Variants in QSOX1 observed in about 807,000 individuals in gnomAD.
QSOX1 encodes sulfhydryl oxidase 1.
Under a neutral mutation model 76.1 loss-of-function variants are expected in QSOX1, and 40 were observed. The ratio of observed to expected loss-of-function variants is 0.53; its 90% CI spans 0.41 to 0.68. The LOEUF is 0.68. Ranked by LOEUF, QSOX1 falls within the 30% of genes least tolerant of loss-of-function variation. The probability of loss-of-function intolerance (pLI) is 0.00; values close to 1 mark genes in which losing one functional copy is unlikely to be tolerated. For missense variants in QSOX1, 931 were observed against 974.3 expected (o/e 0.96, Z 0.59); for synonymous variants, 392 against 413.1 (o/e 0.95, Z 0.62).
Position 180,182,274 on chromosome 1 carries a change from C to G in QSOX1, c.707C>G (p.Ser236Cys), listed in dbSNP as rs1400551478. 1.2e-6 allele frequency: 2 copies of G among 1,614,142 alleles called. No individual in the cohort carries two copies. Among genetic ancestry groups the G allele is most frequent in the Admixed American group, 3.3e-5 (2 of 60,008 alleles). The change falls in exon 6 of 12, where the codon TCT becomes TGT. Residue 236 changes from serine to cysteine, a missense_variant. Transcript: ENST00000367602. ...AAGTTTGGTGTCACCGACTTCCCCT[C>G]TTGCTACCTGCTGTTCCGGAATGGC... is the stretch of plus-strand genomic sequence containing the variant. ...VRKFGVTDFP[S>C]CYLLFRNGSV...
At chr1:180,192,244 C>T (rs562772313) in intron 10 of QSOX1, among the ~76,000 whole-genome samples, 56 of 152,148 alleles carry the variant, frequency 3.7e-4, no homozygotes, top group African/African-American at 1.3e-3. Context: ...CTGCTGTGGC[C>T]GGAGGGAGGG....
At chr1:180,165,148 G>T (rs1220974471) in intron 1 of QSOX1, among the ~76,000 whole-genome samples, 1 of 152,224 alleles carries the variant, frequency 6.6e-6, no homozygotes, top group Non-Finnish European at 1.5e-5. Context: ...GACCATATCA[G>T]GTGGGGTCAG....
At chr1:180,183,125 C>G (rs3767179) in intron 6 of QSOX1, among the ~76,000 whole-genome samples, 140,997 of 152,022 alleles carry the variant, frequency 0.93, 65,564 homozygotes, top group Admixed American at 0.96. Flanking sequence ...CTCCTCTCTC[C>G]GAGTTGGTGG....
Position 180,201,351 on chromosome 1 carries a change from G to A in QSOX1, c.*4314G>A, listed in dbSNP as rs1008881065. On this transcript the variant is annotated 3_prime_UTR_variant, in exon 12 of 12. Coordinates refer to ENST00000367602, the MANE Select transcript of QSOX1 (RefSeq NM_002826.5). ...ACCAGCCTGACAGTCTTGGGGCAGA[G>A]CGCCCCATAGGCCTCTGCAGCCCCA... The A allele has an allele frequency of 6.6e-6, 1 of 152,178 alleles. No individual in the cohort carries two copies. Among genetic ancestry groups the A allele is most frequent in the Admixed American group, 6.5e-5 (1 of 15,286 alleles). 9.4% of individuals were successfully genotyped at this position (152,178 alleles called of 1,614,324 possible).
intron 9 of QSOX1, 81 bp from the exon 10 acceptor site, chr1:180,190,352 C>G: frequency 6.8e-7 from 1 of 1,471,676 alleles, no homozygotes; most frequent in East Asian, 2.3e-5. Flanking sequence ...TGTCTTAGGG[C>G]TGTCTCCTAG....
chr1:180,196,264 G>A lies in QSOX1; in HGVS notation c.1471G>A (p.Ala491Thr), dbSNP rs770523926. The A allele has an allele frequency of 1.2e-6, 2 of 1,608,750 alleles. No individual in the cohort carries two copies. Among genetic ancestry groups the A allele is most frequent in the South Asian group, 1.1e-5 (1 of 90,764 alleles). The stretch of plus-strand genomic sequence containing the variant: ...CCTGTGTATGCTTCCCTCTGTAGGT[G>A]CCCCCAGCGAGGACCCCCAGTTCCC... Reference protein sequence around the residue: ...HNRVNARLAGAPSEDPQFPKV... With the variant: ...HNRVNARLAGTPSEDPQFPKV... The change falls in exon 12 of 12, where the codon GCC (alanine) becomes ACC (threonine). Residue 491 changes from alanine (A) to threonine (T), a missense_variant and splice_region_variant. Physicochemically the swap from Ala to Thr is moderately conservative, Grantham distance 58 (BLOSUM62 0). Transcript: ENST00000367602. This position sits in a 1 kb window ranked among gnomAD's most constrained non-coding sequence, Gnocchi z 4.1.
chr1:180,168,553 A>C (rs1662687161), intron 2 of QSOX1, among the ~76,000 whole-genome samples: 1 of 152,260 alleles, frequency 6.6e-6, no homozygotes, highest in Admixed American at 6.5e-5. Context: ...AACTGTAAGC[A>C]ATACACATTT....
In QSOX1 at chr1:180,202,712, T is replaced by C. The variant is rs186593800; in HGVS notation, c.*5675T>C. 30 of 148,838 alleles carry C rather than the reference T, an allele frequency of 2.0e-4. No homozygotes were observed. Among genetic ancestry groups the C allele is most frequent in the Non-Finnish European group, 3.4e-4 (23 of 67,428 alleles). 9.2% of individuals were successfully genotyped at this position (148,838 alleles called of 1,614,324 possible). On this transcript the variant is annotated 3_prime_UTR_variant, in exon 12 of 12. Transcript: ENST00000367602. The stretch of plus-strand genomic sequence containing the variant: ...AAAAAGGGGAAATATAATTGAATAC[T>C]TCACTGTTTTTGAAAGCATGAAAAC...
intron 3 of QSOX1, 75 bp from the exon 4 acceptor site, chr1:180,175,856 A>G (rs1486296810): frequency 3.4e-6 from 4 of 1,173,330 alleles, no homozygotes; most frequent in African/African-American, 3.0e-5. Context: ...TGTTTCTGGG[A>G]GTGAAGGTGG....
chr1:180,170,114 G>C (rs929252457), intron 2 of QSOX1, among the ~76,000 whole-genome samples: 1 of 152,224 alleles, frequency 6.6e-6, no homozygotes, highest in African/African-American at 2.4e-5. Flanking sequence ...GGAGGAGGGA[G>C]CCCAGAAATG....
intron 6 of QSOX1, 95 bp from the exon 7 acceptor site, chr1:180,183,821 C>T (rs976864779): frequency 1.8e-5 from 24 of 1,362,648 alleles, no homozygotes; most frequent in South Asian, 1.1e-4. Flanking sequence ...CCTTCCTGTC[C>T]GATGAGCCAC....
chr1:180,184,183 G>T, intron 7 of QSOX1, 133 bp downstream of exon 7: 1 of 1,239,862 alleles, frequency 8.1e-7, no homozygotes, highest in Non-Finnish European at 1.1e-6. Flanking sequence ...GAGCCAGGCT[G>T]TCCCCCACCC....
intron 2 of QSOX1, among the ~76,000 whole-genome samples, chr1:180,169,311 AC>A (rs1447095107): frequency 6.6e-6 from 1 of 152,088 alleles, no homozygotes; most frequent in Non-Finnish European, 1.5e-5. Context: ...ATAGAATGGG[AC>A]TTTTTATGGC....
intron 10 of QSOX1, among the ~76,000 whole-genome samples, chr1:180,191,274 G>A (rs924179806): frequency 6.6e-6 from 1 of 152,246 alleles, no homozygotes; most frequent in African/African-American, 2.4e-5. Flanking sequence ...GAGGCAGGGG[G>A]ACAGAGAGGC....
intron 8 of QSOX1, 136 bp from the exon 9 acceptor site, chr1:180,189,416 C>T (rs1053695452): frequency 9.3e-6 from 8 of 862,606 alleles, no homozygotes; most frequent in Non-Finnish European, 1.4e-5. Context: ...GGTTTTGGAA[C>T]TTTGCACAAC....
At chr1:180,184,540 G>A (rs1663122994) in intron 7 of QSOX1, among the ~76,000 whole-genome samples, 1 of 152,194 alleles carries the variant, frequency 6.6e-6, no homozygotes, top group South Asian at 2.1e-4. Flanking sequence ...TTGAATGCCT[G>A]TGGTGTCAGT....
chr1:180,192,145 T>C (rs1405772810), intron 10 of QSOX1, among the ~76,000 whole-genome samples: 1 of 152,056 alleles, frequency 6.6e-6, no homozygotes, highest in African/African-American at 2.4e-5. Context: ...ACATAGGAAT[T>C]TGGGGGGACA....
chr1:180,165,475 C>T (rs1379767872), intron 1 of QSOX1, among the ~76,000 whole-genome samples: 4 of 152,356 alleles, frequency 2.6e-5, no homozygotes, highest in Non-Finnish European at 2.9e-5. Flanking sequence ...CTGGTTTCTG[C>T]CAGTCCTCTC....
At position 180,196,740 on chromosome 1, in the gene QSOX1, T is replaced by TCCCTGGGAA; in HGVS notation, c.1947_1948insCCCTGGGAA (p.Ala649_Ala650insProTrpGlu). 1 of 1,614,096 alleles carries TCCCTGGGAA rather than the reference T, an allele frequency of 6.2e-7. No homozygotes were observed. ...ACTTGAGCAAGCGAGACACAGGGGCTGCATTGCTGGCTGAGTCCAGGGCTG... is the reference window on the plus strand; with the variant it reads ...ACTTGAGCAAGCGAGACACAGGGGCTCCCTGGGAAGCATTGCTGGCTGAGTCCAGGGCTG... On this transcript the variant is annotated inframe_insertion, in exon 12 of 12. Coordinates refer to ENST00000367602, the MANE Select transcript of QSOX1 (RefSeq NM_002826.5). The surrounding 1 kb of genome is among the most constrained non-coding windows in gnomAD (Gnocchi z 4.1).
Sources: allele counts gnomAD v4.1 joint callset (sites outside exome capture counted in the v4.1 genomes callset), GRCh38; gene constraint gnomAD v4.1.1; non-coding constraint Gnocchi (gnomAD v3.1); transcripts MANE v1.5; gene names NCBI Gene and HGNC (gene_info 2026-07-23, HGNC 2026-07-21).